The following DPP10 variants were observed in gnomAD, a reference collection of about 807,000 sequenced individuals.
DPP10 encodes the protein dipeptidyl peptidase like 10.
DPP10 carries 33 observed loss-of-function variants against 120.9 expected under a neutral mutation model. The observed-to-expected ratio is 0.27, with a 90% CI of 0.21 to 0.37. DPP10 has a LOEUF of 0.37. Among genes scored for constraint, DPP10 ranks in the 10% least tolerant of loss-of-function variants. The pLI, the probability that DPP10 is intolerant of heterozygous loss-of-function variation, is 1.00. For missense variants in DPP10, 816 were observed against 942.8 expected (o/e 0.87, Z 1.76); for synonymous variants, 337 against 326.1 (o/e 1.03, Z -0.36).
At chr2:114,836,315 G>C (rs1687730510) in intron 1 of DPP10, among the ~76,000 whole-genome samples, 1 of 152,132 alleles carries the variant, frequency 6.6e-6, no homozygotes, top group Non-Finnish European at 1.5e-5. Context: ...ATTTCATGTA[G>C]GTTCTTTTCT....
chr2:114,695,804 T>C (rs909927792), intron 1 of DPP10, among the ~76,000 whole-genome samples: 3 of 152,252 alleles, frequency 2.0e-5, no homozygotes, highest in East Asian at 3.9e-4. Context: ...AGGCAATTTT[T>C]ATTATCAACT....
At chr2:115,586,820 C>T (rs1403332124) in intron 5 of DPP10, among the ~76,000 whole-genome samples, 2 of 152,098 alleles carry the variant, frequency 1.3e-5, no homozygotes, top group Non-Finnish European at 2.9e-5. Flanking sequence ...GCACTGTTCT[C>T]ATAAGGAACT....
intron 1 of DPP10, among the ~76,000 whole-genome samples, chr2:114,941,315 G>A (rs1696879033): frequency 6.6e-6 from 1 of 152,042 alleles, no homozygotes; most frequent in Non-Finnish European, 1.5e-5. Context: ...ATTTCATTTA[G>A]GGACTCAGTT....
intron 1 of DPP10, among the ~76,000 whole-genome samples, chr2:114,957,026 G>A (rs2104687015): frequency 6.8e-6 from 1 of 147,394 alleles, no homozygotes; most frequent in South Asian, 2.1e-4. Context: ...ATATTGATCT[G>A]AGCAAAGGTT....
intron 1 of DPP10, among the ~76,000 whole-genome samples, chr2:114,768,127 C>CAA (rs759782705): frequency 4.2e-4 from 21 of 49,890 alleles, no homozygotes; most frequent in South Asian, 2.6e-3. Flanking sequence ...GGCTCTGTCT[C>CAA]AAAAAAAAAA....
At chr2:114,759,433 A>G (rs1201311857) in intron 1 of DPP10, among the ~76,000 whole-genome samples, 1 of 151,850 alleles carries the variant, frequency 6.6e-6, no homozygotes, top group African/African-American at 2.4e-5. Flanking sequence ...ACTTTCTTCT[A>G]CATTAAGGAG....
chr2:115,153,242 G>C (rs1469259998), intron 1 of DPP10, among the ~76,000 whole-genome samples: 1 of 151,964 alleles, frequency 6.6e-6, no homozygotes, highest in East Asian at 1.9e-4. Context: ...TATGAAACAG[G>C]GTATTTTCTT....
At chr2:115,004,796 C>T (rs570351460) in intron 1 of DPP10, among the ~76,000 whole-genome samples, 97 of 151,986 alleles carry the variant, frequency 6.4e-4, no homozygotes, top group Admixed American at 2.3e-3. Flanking sequence ...GGGGGAGGGG[C>T]GCCCACCATT....
chr2:114,474,537 G>C (rs1680213361), intron 1 of DPP10, among the ~76,000 whole-genome samples: 1 of 152,140 alleles, frequency 6.6e-6, no homozygotes. Context: ...TAAATACAGG[G>C]CTCTGTGCAA....
chr2:114,470,341 G>T (rs975556002), intron 1 of DPP10, among the ~76,000 whole-genome samples: 4 of 152,070 alleles, frequency 2.6e-5, no homozygotes, highest in Non-Finnish European at 4.4e-5. Context: ...AAGCATCAAG[G>T]GTTTCTGGTC....
chr2:115,180,302 A>G (rs1329686798), intron 1 of DPP10, among the ~76,000 whole-genome samples: 4 of 152,148 alleles, frequency 2.6e-5, no homozygotes, highest in Non-Finnish European at 4.4e-5. Context: ...AGGTACATGA[A>G]ATGTTACCAG....
At chr2:114,711,197 G>A (rs115472310) in intron 1 of DPP10, among the ~76,000 whole-genome samples, 250 of 152,280 alleles carry the variant, frequency 1.6e-3, no homozygotes, top group African/African-American at 5.5e-3. Context: ...TGACATGCTG[G>A]GCATAGACAA....
chr2:115,494,622 T>C (rs1247328928), intron 3 of DPP10, among the ~76,000 whole-genome samples: 2 of 152,188 alleles, frequency 1.3e-5, no homozygotes, highest in East Asian at 3.8e-4. Flanking sequence ...AATCTTGTTG[T>C]TTAACAAACC....
chr2:115,603,257 G>T (rs942183037), intron 5 of DPP10, among the ~76,000 whole-genome samples: 2 of 151,506 alleles, frequency 1.3e-5, no homozygotes, highest in Non-Finnish European at 2.9e-5. Flanking sequence ...ACAGCCTGTG[G>T]TCTCATATTT....
intron 1 of DPP10, among the ~76,000 whole-genome samples, chr2:114,949,544 T>C (rs1356011962): frequency 6.6e-6 from 1 of 152,234 alleles, no homozygotes; most frequent in African/African-American, 2.4e-5. Flanking sequence ...GGCTTCATCC[T>C]CAGAGATTTT....
At chr2:115,098,494 G>T (rs746170838) in intron 1 of DPP10, among the ~76,000 whole-genome samples, 2 of 151,858 alleles carry the variant, frequency 1.3e-5, no homozygotes, top group African/African-American at 2.4e-5. Context: ...ACTGCTCCTG[G>T]GCTACAAACC....
At chr2:115,062,259 A>G (rs1202778688) in intron 1 of DPP10, among the ~76,000 whole-genome samples, 1 of 151,794 alleles carries the variant, frequency 6.6e-6, no homozygotes, top group Non-Finnish European at 1.5e-5. Flanking sequence ...TTTTGTATGA[A>G]GTATCTTTAA....
At chr2:115,536,661 A>G (rs2078865292) in intron 5 of DPP10, among the ~76,000 whole-genome samples, 1 of 152,008 alleles carries the variant, frequency 6.6e-6, no homozygotes, top group Non-Finnish European at 1.5e-5. Flanking sequence ...ATGCTATTTT[A>G]TAGGACACGA....
rs559582405 is a variant in DPP10 at position 114,607,005 on chromosome 2, G to A, written c.60+164167G>A. Among the ~76,000 whole-genome samples, 15 of 152,320 alleles carry A rather than the reference G, an allele frequency of 9.8e-5. No individual in the cohort carries two copies. In the East Asian group the frequency reaches 2.9e-3, roughly 29 times the overall value. On this transcript the variant is annotated intron_variant, in intron 1 of 25. Transcript: ENST00000410059. Reference sequence around the variant, plus strand: ...ACCATAAAAGCTCTGGAGTAGCACTGACAGGATGATGGAGACATCACCATG... The same window carrying A: ...ACCATAAAAGCTCTGGAGTAGCACTAACAGGATGATGGAGACATCACCATG...
Sources: gnomAD v4.1 joint callset for allele counts (sites outside exome capture counted in the v4.1 genomes callset) on GRCh38, gnomAD v4.1.1 for gene constraint, MANE v1.5 for transcripts, NCBI Gene and HGNC (gene_info 2026-07-23, HGNC 2026-07-21) for gene names.